RXRA: variants seen among roughly 807,000 people sequenced by gnomAD.
RXRA encodes retinoid X receptor alpha, also known as retinoic acid receptor RXR-alpha.
In RXRA, 5 loss-of-function variants were observed where a neutral mutation model predicts 44.5. The ratio of observed to expected loss-of-function variants is 0.11; its 90% confidence interval spans 0.06 to 0.24. The LOEUF is 0.24. Among genes scored for constraint, RXRA ranks in the 10% least tolerant of loss-of-function variants. The pLI, the probability that RXRA is intolerant of heterozygous loss-of-function variation, is 1.00. For missense variants in RXRA, 412 were observed against 646.5 expected (o/e 0.64, Z 3.93); for synonymous variants, 291 against 271.4 (o/e 1.07, Z -0.71).
rs181838206 is a variant in RXRA at position 134,343,412 on chromosome 9, G to A, written c.28+16753G>A. On this transcript the variant is annotated intron_variant, in intron 1 of 9. Transcript: ENST00000481739. This position sits in a 1 kb window ranked among gnomAD's most constrained non-coding sequence, Gnocchi z 4.1. ...GGGTTCTGGGGGTTCATGCAGGATT[G>A]CCCGTCAGCATCCTGCAGCCCCTGG... Among the ~76,000 whole-genome samples the A allele has an allele frequency of 4.3e-3, 654 of 152,224 alleles. 8 individuals carry two copies. Among genetic ancestry groups the A allele is most frequent in the African/African-American group, 0.015 (629 of 41,526 alleles).
In RXRA at chr9:134,349,812, G is replaced by C. The variant is rs926109694; in HGVS notation, c.28+23153G>C. ...CTGCTTGGAGGAGGGGCAGAGCTGG[G>C]CTAGCTCGGGTGGGCGGGCGGGTGC... On this transcript the variant is annotated intron_variant, in intron 1 of 9. Coordinates refer to ENST00000481739, the MANE Select transcript of RXRA (RefSeq NM_002957.6). This position sits in a 1 kb window ranked among gnomAD's most constrained non-coding sequence, Gnocchi z 4.3. 3.8e-5 allele frequency among the ~76,000 whole-genome samples: 5 copies of C among 132,406 alleles called. No homozygotes were observed. Among genetic ancestry groups the C allele is most frequent in the African/African-American group, 5.7e-5 (2 of 34,880 alleles). 86.9% of individuals were successfully genotyped at this position (132,406 alleles called of 152,430 possible). A position where few individuals can be genotyped will look rare whatever the true frequency, so the allele number is the denominator to read the frequency against.
Position 134,421,748 on chromosome 9 carries a change from C to T in RXRA, c.853C>T (p.Arg285Trp), listed in dbSNP as rs759561054. The change falls in exon 6 of 10, where the codon CGG becomes TGG. Residue 285 changes from arginine to tryptophan, a missense_variant. By Grantham distance (101) the Arg-to-Trp change is moderately radical. Coordinates refer to ENST00000481739, the MANE Select transcript of RXRA (RefSeq NM_002957.6). ...TTTCACCCTGGTGGAGTGGGCCAAG[C>T]GGATCCCACACTTCTCAGAGCTGCC... ...QLFTLVEWAK[R>W]IPHFSELPLD... The T allele has an allele frequency of 3.7e-6, 6 of 1,601,048 alleles. No homozygotes were observed. The East Asian group carries it at 6.7e-5, about 18-fold the overall frequency.
chr9:134,401,061 A>G (rs1032743594), intron 1 of RXRA, among the ~76,000 whole-genome samples: 5 of 152,184 alleles, frequency 3.3e-5, no homozygotes, highest in Non-Finnish European at 7.4e-5. Flanking sequence ...GGCTCTGAGT[A>G]CTCAGGGCCT....
intron 2 of RXRA, chr9:134,406,246 T>C (rs892760495): frequency 1.4e-5 from 2 of 148,026 alleles, no homozygotes; most frequent in African/African-American, 2.5e-5. Flanking sequence ...AAAAAAAAAA[T>C]AGCTGAGTGC....
chr9:134,429,037 C>T (rs1356108366), intron 6 of RXRA, 71 bp from the exon 7 acceptor site: 9 of 1,583,040 alleles, frequency 5.7e-6, no homozygotes, highest in Middle Eastern at 1.7e-4. Flanking sequence ...TAGGGTCCCA[C>T]CAGGGGCTGG....
chr9:134,367,158 C>T (rs900196938), intron 1 of RXRA, among the ~76,000 whole-genome samples: 1 of 152,196 alleles, frequency 6.6e-6, no homozygotes, highest in African/African-American at 2.4e-5. Flanking sequence ...TTCCACCAAC[C>T]CCCCAAAAGA....
intron 2 of RXRA, chr9:134,405,695 A>C (rs564517244): frequency 6.6e-6 from 1 of 152,530 alleles, no homozygotes; most frequent in South Asian, 2.1e-4. Context: ...GCTTCCGAGC[A>C]ACCTGGACCT....
At chr9:134,427,862 C>T (rs895080395) in intron 6 of RXRA, among the ~76,000 whole-genome samples, 15 of 152,240 alleles carry the variant, frequency 9.9e-5, no homozygotes, top group East Asian at 1.9e-4. Context: ...ATGACAGTGT[C>T]GGCCATAGAG....
At chr9:134,360,827 G>A (rs899345878) in intron 1 of RXRA, among the ~76,000 whole-genome samples, 3 of 152,240 alleles carry the variant, frequency 2.0e-5, no homozygotes, top group Admixed American at 1.3e-4. Context: ...TGGGGACCCC[G>A]AGGCCTGCCA....
chr9:134,390,319 G>A lies in RXRA; in HGVS notation c.29-11313G>A, dbSNP rs993695527. On this transcript the variant is annotated intron_variant, in intron 1 of 9. Transcript: ENST00000481739. ...TCAGCACACCCTCCTCTCCATTGCC[G>A]TCCCTTCCACGGGTCACTTGGCGGG... Among the ~76,000 whole-genome samples the A allele has an allele frequency of 2.2e-4, 33 of 152,302 alleles. No individual in the cohort carries two copies. In the South Asian group the frequency reaches 4.3e-3, roughly 20 times the overall value.
Position 134,342,083 on chromosome 9 carries a change from G to T in RXRA, c.28+15424G>T, listed in dbSNP as rs970960949. 2.6e-5 allele frequency among the ~76,000 whole-genome samples: 4 copies of T among 152,168 alleles called. No homozygotes were observed. Among genetic ancestry groups the T allele is most frequent in the African/African-American group, 4.8e-5 (2 of 41,440 alleles). ...GCTGGCTGGGGGACATGAAGACCCC[G>T]AATGAGGAGGCGTCTCCCTGAAGGC... On this transcript the variant is annotated intron_variant, in intron 1 of 9. Transcript: ENST00000481739. This position sits in a 1 kb window ranked among gnomAD's most constrained non-coding sequence, Gnocchi z 4.4.
At chr9:134,400,430 G>C (rs921054010) in intron 1 of RXRA, among the ~76,000 whole-genome samples, 2 of 152,226 alleles carry the variant, frequency 1.3e-5, no homozygotes, top group African/African-American at 4.8e-5. Context: ...ACAGGTCAAG[G>C]CACGGAGGGC....
At chr9:134,403,093 C>G (rs1401598108) in intron 2 of RXRA, 1 of 152,310 alleles carries the variant, frequency 6.6e-6, no homozygotes, top group Non-Finnish European at 1.5e-5. Context: ...CCCAAGCCCC[C>G]ATGCCATCTC....
rs544033588 is a variant in RXRA at position 134,342,138 on chromosome 9, G to A, written c.28+15479G>A. On this transcript the variant is annotated intron_variant, in intron 1 of 9. Transcript: ENST00000481739. The surrounding 1 kb of genome is among the most constrained non-coding windows in gnomAD (Gnocchi z 4.4). ...TGCTGGGCCCGGGGTGGGGGCTCTCGTGCTGGCATTTGGTGGGTAGTGAGT... is the reference window on the plus strand; with the variant it reads ...TGCTGGGCCCGGGGTGGGGGCTCTCATGCTGGCATTTGGTGGGTAGTGAGT... 2.4e-4 allele frequency among the ~76,000 whole-genome samples: 36 copies of A among 152,268 alleles called. No homozygotes were observed. Among genetic ancestry groups the A allele is most frequent in the African/African-American group, 7.9e-4 (33 of 41,544 alleles).
chr9:134,335,385 G>A (rs1554747164), intron 1 of RXRA, among the ~76,000 whole-genome samples: 1 of 152,230 alleles, frequency 6.6e-6, no homozygotes, highest in African/African-American at 2.4e-5. Flanking sequence ...AGTTTGTTGG[G>A]TGGGAAGTGG....
intron 1 of RXRA, among the ~76,000 whole-genome samples, chr9:134,395,132 C>G (rs1323205207): frequency 1.3e-5 from 2 of 152,226 alleles, no homozygotes; most frequent in Non-Finnish European, 2.9e-5. Flanking sequence ...AGCATCAGTC[C>G]CCTCTCAGTC....
rs960965504 is a variant in RXRA, at chr9:134,415,582, C to G, written c.611-1576C>G. ...AGAGGGGCTGGGATGAGCCCCGCCACAGGCCCAGAGAGGTGGCAGCTTCAG... is the reference window on the plus strand; with the variant it reads ...AGAGGGGCTGGGATGAGCCCCGCCAGAGGCCCAGAGAGGTGGCAGCTTCAG... On this transcript the variant is annotated intron_variant, in intron 4 of 9. Transcript: ENST00000481739. 3.9e-5 allele frequency among the ~76,000 whole-genome samples: 6 copies of G among 152,206 alleles called. No individual in the cohort carries two copies. In the East Asian group the frequency reaches 1.2e-3, roughly 29 times the overall value.
At chr9:134,369,138 GGGGT>G (rs1830457009) in intron 1 of RXRA, among the ~76,000 whole-genome samples, 3 of 91,986 alleles carry the variant, frequency 3.3e-5, no homozygotes, top group Non-Finnish European at 6.4e-5. Flanking sequence ...GGTTGTGTGT[GGGGT>G]TATGTGTGTG....
At chr9:134,348,608 G>T (rs1554749104) in intron 1 of RXRA, among the ~76,000 whole-genome samples, 1 of 152,228 alleles carries the variant, frequency 6.6e-6, no homozygotes. Flanking sequence ...ATCCAGGCTT[G>T]AACAGCCACC....
Sources: gnomAD v4.1 joint callset for allele counts (sites outside exome capture counted in the v4.1 genomes callset) on GRCh38, gnomAD v4.1.1 for gene constraint, Gnocchi (gnomAD v3.1) non-coding constraint, MANE v1.5 for transcripts, NCBI Gene and HGNC (gene_info 2026-07-23, HGNC 2026-07-21) for gene names.